The following SLC15A2 variants were observed in gnomAD, a reference collection of about 807,000 sequenced individuals.
SLC15A2 encodes the protein kidney H(+)/peptide cotransporter.
In SLC15A2, 77 loss-of-function variants were observed where a neutral mutation model predicts 95.5. That is an observed-to-expected ratio of 0.81 (90% confidence interval 0.67 to 0.97). The LOEUF is 0.97. Among genes scored for constraint, SLC15A2 ranks in the 50% least tolerant of loss-of-function variants. The pLI is 0.00. For missense variants in SLC15A2, 893 were observed against 874.4 expected (o/e 1.02, Z -0.27); for synonymous variants, 306 against 306.9 (o/e 1.00, Z 0.03).
intron 3 of SLC15A2, among the ~76,000 whole-genome samples, chr3:121,908,903 C>T (rs1037971582): frequency 2.0e-4 from 30 of 152,074 alleles, no homozygotes; most frequent in African/African-American, 5.3e-4. Flanking sequence ...CCAGATGTAG[C>T]GGCTCATGCC....
chr3:121,922,930 C>T, intron 9 of SLC15A2, 69 bp downstream of exon 9: 1 of 1,540,664 alleles, frequency 6.5e-7, no homozygotes, highest in Non-Finnish European at 9.0e-7. Flanking sequence ...ATGATTCTAT[C>T]CTACTGCATT....
At chr3:121,898,657 A>T (rs1178404677) in intron 3 of SLC15A2, among the ~76,000 whole-genome samples, 2 of 152,214 alleles carry the variant, frequency 1.3e-5, no homozygotes, top group Admixed American at 1.3e-4. Flanking sequence ...AAAGCTAAAA[A>T]TGTTCCCTTA....
chr3:121,927,771 A>G lies in SLC15A2; in HGVS notation c.1138A>G (p.Met380Val), dbSNP rs1402952081. 2 of 1,613,650 alleles carry G rather than the reference A, an allele frequency of 1.2e-6. No homozygotes were observed. Among genetic ancestry groups the G allele is most frequent in the Admixed American group, 3.3e-5 (2 of 60,014 alleles). Residue 380 changes from methionine to valine, a missense_variant, in exon 14 of 22, where the codon ATG becomes GTG. By Grantham distance (21) the Met-to-Val change is conservative. Transcript: ENST00000489711. Reference sequence around the variant, plus strand: ...TTTCCACCACAGATCACTTAGGAAAATGGCTGTTGGTATGATCCTAGCATG... The same window carrying G: ...TTTCCACCACAGATCACTTAGGAAAGTGGCTGTTGGTATGATCCTAGCATG... Reference protein sequence around the residue: ...CGINFSSLRKMAVGMILACLA... With the variant: ...CGINFSSLRKVAVGMILACLA...
rs145724695 is a variant in SLC15A2, at chr3:121,913,664, T to C, written c.528+544T>C. On this transcript the variant is annotated intron_variant, in intron 5 of 21. Transcript: ENST00000489711. ...AGTGACAAATTGCAAGGAAACGTAA[T>C]GAATGTCTATAGATGAATTTCCCTG... 3.3e-5 allele frequency among the ~76,000 whole-genome samples: 5 copies of C among 152,352 alleles called. No individual in the cohort carries two copies. In the East Asian group the frequency reaches 9.6e-4, roughly 29 times the overall value.
In SLC15A2 at chr3:121,941,072, A is replaced by G. The variant is rs1710455644; in HGVS notation, c.*65A>G. The G allele has an allele frequency of 2.1e-6, 3 of 1,431,730 alleles. No homozygotes were observed. The highest frequency in any genetic ancestry group is 2.3e-5 in the East Asian group (1 of 43,656). The allele number at this position is 1,431,730 out of a possible 1,614,324, so 88.7% of individuals were successfully genotyped here. On this transcript the variant is annotated 3_prime_UTR_variant, in exon 22 of 22. Coordinates refer to ENST00000489711, the MANE Select transcript of SLC15A2 (RefSeq NM_021082.4). ...TGTCTTGAAGCATTTTTTTTCTTCT[A>G]CTGGATTAGACAAGAGAGATAGCAG...
At chr3:121,912,975 T>C in intron 4 of SLC15A2, 46 bp from the exon 5 acceptor site, 2 of 1,360,446 alleles carry the variant, frequency 1.5e-6, no homozygotes. Context: ...TCTCTACAGG[T>C]GCATTTAGTA....
chr3:121,904,023 C>T (rs533460551), intron 3 of SLC15A2, among the ~76,000 whole-genome samples: 144 of 152,252 alleles, frequency 9.5e-4, no homozygotes, highest in African/African-American at 3.4e-3. Context: ...TCTTTTATTT[C>T]ATTGAGCAAT....
At chr3:121,918,251 T>A (rs1709933939) in intron 7 of SLC15A2, among the ~76,000 whole-genome samples, 1 of 152,140 alleles carries the variant, frequency 6.6e-6, no homozygotes, top group Non-Finnish European at 1.5e-5. Flanking sequence ...ATATGTTAAG[T>A]GAGGGAGAAG....
chr3:121,917,400 C>CCA, intron 7 of SLC15A2, among the ~76,000 whole-genome samples: 1 of 152,156 alleles, frequency 6.6e-6, no homozygotes, highest in Middle Eastern at 3.4e-3. Context: ...TAATTAAGAC[C>CCA]TTGAGGGACC....
chr3:121,914,318 G>A (rs1241441026), intron 5 of SLC15A2, among the ~76,000 whole-genome samples: 2 of 152,196 alleles, frequency 1.3e-5, no homozygotes, highest in Non-Finnish European at 2.9e-5. Context: ...TCAGAATGAA[G>A]CATGTCGGTG....
chr3:121,938,496 C>T (rs1282931948), intron 19 of SLC15A2, among the ~76,000 whole-genome samples: 3 of 152,042 alleles, frequency 2.0e-5, no homozygotes, highest in East Asian at 1.9e-4. Context: ...GTCGGAAAAG[C>T]GCAGTATTCC....
chr3:121,931,776 A>C lies in SLC15A2; in HGVS notation c.1761+41A>C, dbSNP rs34806179. 4,478 of 1,175,460 alleles carry C rather than the reference A, an allele frequency of 3.8e-3. 15 individuals carry two copies. Among genetic ancestry groups the C allele is most frequent in the Middle Eastern group, 0.01 (54 of 5,222 alleles). The allele number at this position is 1,175,460 out of a possible 1,614,324, so 72.8% of individuals were successfully genotyped here. ...CCACCTCTTTACCCTCTCTCCATATACATATATCTCCTGAGATCCTCTAGG... is the reference window on the plus strand; with the variant it reads ...CCACCTCTTTACCCTCTCTCCATATCCATATATCTCCTGAGATCCTCTAGG... On this transcript the variant is annotated intron_variant, in intron 19 of 21. Coordinates refer to ENST00000489711, the MANE Select transcript of SLC15A2 (RefSeq NM_021082.4).
At chr3:121,909,945 C>T (rs1304654559) in intron 3 of SLC15A2, among the ~76,000 whole-genome samples, 2 of 151,786 alleles carry the variant, frequency 1.3e-5, no homozygotes, top group Admixed American at 6.6e-5. Context: ...AATTGGATAC[C>T]GATCTTACTA....
At chr3:121,938,309 G>C (rs1029736277) in intron 19 of SLC15A2, among the ~76,000 whole-genome samples, 14 of 152,236 alleles carry the variant, frequency 9.2e-5, no homozygotes, top group Non-Finnish European at 1.8e-4. Context: ...GGAGCTTCTC[G>C]GCTGCTTTGT....
At chr3:121,927,363 T>G (rs888583249) in intron 13 of SLC15A2, among the ~76,000 whole-genome samples, 4 of 152,228 alleles carry the variant, frequency 2.6e-5, no homozygotes, top group African/African-American at 9.6e-5. Flanking sequence ...TGAATTCTCA[T>G]GAAGGGTTTA....
chr3:121,915,806 G>T (rs906503338), intron 7 of SLC15A2, 113 bp downstream of exon 7: 1 of 714,258 alleles, frequency 1.4e-6, no homozygotes, highest in Non-Finnish European at 2.5e-6. Context: ...CAGGCCTATT[G>T]GGTAACTGTT....
chr3:121,906,765 G>T (rs538656172), intron 3 of SLC15A2, among the ~76,000 whole-genome samples: 1 of 152,154 alleles, frequency 6.6e-6, no homozygotes, highest in Non-Finnish European at 1.5e-5. Flanking sequence ...TGGGTAACCC[G>T]ACCTTTCTCT....
intron 3 of SLC15A2, among the ~76,000 whole-genome samples, chr3:121,900,098 C>T (rs192737202): frequency 4.9e-4 from 75 of 152,292 alleles, no homozygotes; most frequent in Admixed American, 1.5e-3. Context: ...TTACCCTCTT[C>T]TCTTTCTCTA....
intron 5 of SLC15A2, among the ~76,000 whole-genome samples, chr3:121,914,566 C>T (rs545853911): frequency 6.6e-6 from 1 of 152,334 alleles, no homozygotes; most frequent in South Asian, 2.1e-4. Flanking sequence ...CTACCACACA[C>T]TCCTACCACA....
Sources: gnomAD v4.1 joint callset for allele counts (sites outside exome capture counted in the v4.1 genomes callset) on GRCh38, gnomAD v4.1.1 for gene constraint, MANE v1.5 for transcripts, NCBI Gene and HGNC (gene_info 2026-07-23, HGNC 2026-07-21) for gene names.